The following PDE10A variants were observed in gnomAD, a reference collection of about 807,000 sequenced individuals.
PDE10A encodes the protein cAMP and cAMP-inhibited cGMP 3',5'-cyclic phosphodiesterase 10A.
PDE10A carries 39 observed loss-of-function variants against 97.7 expected under a neutral mutation model. The observed-to-expected ratio is 0.40, with a 90% CI of 0.31 to 0.52. The LOEUF (loss-of-function observed/expected upper bound fraction) is 0.52. PDE10A is among the 20% of genes least tolerant of loss of function. The probability of loss-of-function intolerance (pLI) is 0.56; values close to 1 mark genes in which losing one functional copy is unlikely to be tolerated. For missense variants in PDE10A, 731 were observed against 1,047.8 expected (o/e 0.70, Z 4.17); for synonymous variants, 371 against 376.8 (o/e 0.98, Z 0.18).
intron 1 of PDE10A, among the ~76,000 whole-genome samples, chr6:165,784,578 C>T (rs998786266): frequency 6.6e-6 from 1 of 152,320 alleles, no homozygotes; most frequent in Middle Eastern, 3.4e-3. Flanking sequence ...AATGCGCACT[C>T]AAAAATTATC....
intron 2 of PDE10A, among the ~76,000 whole-genome samples, chr6:165,504,724 A>C (rs1488093655): frequency 1.3e-5 from 2 of 152,170 alleles, no homozygotes; most frequent in East Asian, 3.8e-4. Flanking sequence ...ATAACATAAA[A>C]TCTTACTAAT....
In PDE10A at chr6:165,974,542, T is replaced by G. The variant is rs1017764497; in HGVS notation, c.-615+12987A>C. 6.6e-5 allele frequency among the ~76,000 whole-genome samples: 10 copies of G among 152,362 alleles called. No homozygotes were observed. In the East Asian group the frequency reaches 1.7e-3, roughly 26 times the overall value. ...AAGACATAGTGGAGAATGGGAGTTC[T>G]GGAAGAGAAGATATCATAAGCAATA... On this transcript the variant is annotated intron_variant, in intron 1 of 19. Transcript: ENST00000366882.
chr6:165,366,288 C>T (rs898729745), intron 18 of PDE10A, among the ~76,000 whole-genome samples: 1 of 152,030 alleles, frequency 6.6e-6, no homozygotes, highest in African/African-American at 2.4e-5. Context: ...GATCAGAAAG[C>T]AAAATACATA....
At chr6:165,572,755 G>A (rs1436479686) in intron 1 of PDE10A, among the ~76,000 whole-genome samples, 1 of 152,172 alleles carries the variant, frequency 6.6e-6, no homozygotes, top group African/African-American at 2.4e-5. Context: ...AGGATCACCT[G>A]AGCTCAGGGA....
chr6:165,413,366 A>G (rs1168688074), intron 13 of PDE10A, 135 bp downstream of exon 13: 3 of 593,438 alleles, frequency 5.1e-6, no homozygotes, highest in African/African-American at 3.7e-5. Flanking sequence ...AACATGTACA[A>G]TCAGGAATCA....
chr6:165,960,114 A>G (rs758964125), intron 1 of PDE10A, among the ~76,000 whole-genome samples: 2 of 152,222 alleles, frequency 1.3e-5, no homozygotes, highest in Non-Finnish European at 2.9e-5. Context: ...CTAGAGAGAA[A>G]GTGAGCTGCT....
intron 18 of PDE10A, among the ~76,000 whole-genome samples, chr6:165,372,829 T>C (rs1419440879): frequency 4.0e-5 from 6 of 150,134 alleles, no homozygotes; most frequent in Non-Finnish European, 7.4e-5. Flanking sequence ...CTTCAAAGTA[T>C]ACTACAAGGC....
chr6:165,978,182 G>A (rs146177655), intron 1 of PDE10A, among the ~76,000 whole-genome samples: 1 of 152,054 alleles, frequency 6.6e-6, no homozygotes, highest in African/African-American at 2.4e-5. Flanking sequence ...AGCTTTTCCC[G>A]TAAAATTCAC....
intron 10 of PDE10A, among the ~76,000 whole-genome samples, chr6:165,423,363 C>A (rs910008846): frequency 6.6e-6 from 1 of 152,130 alleles, no homozygotes; most frequent in African/African-American, 2.4e-5. Flanking sequence ...TTCATTGATT[C>A]CCAACCAGCA....
chr6:165,452,985 T>C (rs1777730123), intron 3 of PDE10A, among the ~76,000 whole-genome samples: 1 of 151,652 alleles, frequency 6.6e-6, no homozygotes, highest in South Asian at 2.1e-4. Context: ...GATAGAAACA[T>C]GGACAATAAA....
At chr6:165,373,034 A>AGC (rs1468955073) in intron 18 of PDE10A, among the ~76,000 whole-genome samples, 1 of 147,198 alleles carries the variant, frequency 6.8e-6, no homozygotes, top group Non-Finnish European at 1.5e-5. Context: ...ATATGTAGAA[A>AGC]GCTGAAACTG....
At chr6:165,453,598 C>T (rs952891470) in intron 3 of PDE10A, among the ~76,000 whole-genome samples, 6 of 152,226 alleles carry the variant, frequency 3.9e-5, no homozygotes. Flanking sequence ...GCCCCAGCCA[C>T]GGTTCAAGTG....
At chr6:165,487,749 C>A (rs1780003785) in intron 2 of PDE10A, among the ~76,000 whole-genome samples, 1 of 152,068 alleles carries the variant, frequency 6.6e-6, no homozygotes, top group South Asian at 2.1e-4. Context: ...AGCACAAAGA[C>A]CATTTTCAAG....
At chr6:165,786,034 T>A (rs1370278009) in intron 1 of PDE10A, among the ~76,000 whole-genome samples, 1 of 152,234 alleles carries the variant, frequency 6.6e-6, no homozygotes, top group African/African-American at 2.4e-5. Context: ...TCAACGATAT[T>A]CACAATGAGT....
intron 13 of PDE10A, among the ~76,000 whole-genome samples, chr6:165,412,231 T>C (rs1223715052): frequency 6.6e-6 from 1 of 152,150 alleles, no homozygotes; most frequent in Non-Finnish European, 1.5e-5. Context: ...TATTCAACTT[T>C]TGTTGGATAA....
rs1012673241 is a variant in PDE10A at position 165,480,587 on chromosome 6, T to TA, written c.1023+1727dup. Among the ~76,000 whole-genome samples, 359 of 144,064 alleles carry TA rather than the reference T, an allele frequency of 2.5e-3. 4 individuals are homozygous for TA. The highest frequency in any genetic ancestry group is 7.3e-3 in the African/African-American group (287 of 39,318). The allele number at this position is 144,064 out of a possible 152,430, so 94.5% of individuals were successfully genotyped here. ...TGATGAACTGAGGCTTTGCCTCAAT[T>TA]AAAAAAAAAAAGTATATGAGAAAGA... On this transcript the variant is annotated intron_variant, in intron 3 of 21. Transcript: ENST00000539869.
At chr6:165,598,802 TA>T (rs1468640309) in intron 1 of PDE10A, among the ~76,000 whole-genome samples, 8 of 152,188 alleles carry the variant, frequency 5.3e-5, no homozygotes, top group Non-Finnish European at 1.2e-4. Context: ...AATTTTAAAC[TA>T]ATAGCCCAGC....
intron 1 of PDE10A, among the ~76,000 whole-genome samples, chr6:165,695,986 C>A (rs1791434833): frequency 6.6e-6 from 1 of 152,094 alleles, no homozygotes; most frequent in Non-Finnish European, 1.5e-5. Context: ...TGTGTGAAGT[C>A]AAGAAAAGAG....
In PDE10A at chr6:165,329,210, T is replaced by C. The variant is rs1163607143; in HGVS notation, c.*3815A>G. 3 of 152,174 alleles carry C rather than the reference T, an allele frequency of 2.0e-5. No individual in the cohort carries two copies. Among genetic ancestry groups the C allele is most frequent in the African/African-American group, 7.2e-5 (3 of 41,442 alleles). The allele number at this position is 152,174 out of a possible 1,614,324, so 9.4% of individuals were successfully genotyped here. ...CCCCCCAAAATCACATCATAACCAG[T>C]GTCACAGTTCTCTGAAGTTCTTGCC... On this transcript the variant is annotated 3_prime_UTR_variant, in exon 22 of 22. Transcript: ENST00000539869.
Sources: allele counts gnomAD v4.1 joint callset (sites outside exome capture counted in the v4.1 genomes callset), GRCh38; gene constraint gnomAD v4.1.1; transcripts MANE v1.5; gene names NCBI Gene and HGNC (gene_info 2026-07-23, HGNC 2026-07-21).